The following EPC2 variants were observed in gnomAD, a reference collection of about 807,000 sequenced individuals.
EPC2 encodes the protein enhancer of polycomb homolog 2.
In EPC2, 14 loss-of-function variants were observed where a neutral mutation model predicts 92.1. The observed-to-expected ratio is 0.15, with a 90% CI of 0.10 to 0.24. EPC2 has a LOEUF of 0.24. Ranked by LOEUF, EPC2 falls within the 10% of genes least tolerant of loss-of-function variation. The pLI, the probability that EPC2 is intolerant of heterozygous loss-of-function variation, is 1.00. For synonymous variants in EPC2, 340 were observed against 334.7 expected (o/e 1.02, Z -0.17); for missense variants, 755 against 971.5 (o/e 0.78, Z 2.96).
chr2:148,745,072 A>G (rs993340041), intron 3 of EPC2, among the ~76,000 whole-genome samples: 1 of 139,372 alleles, frequency 7.2e-6, no homozygotes, highest in African/African-American at 2.7e-5. Flanking sequence ...TGCATTTTGT[A>G]AAATTCATGT....
intron 6 of EPC2, among the ~76,000 whole-genome samples, chr2:148,763,052 C>A (rs1683332738): frequency 6.6e-6 from 1 of 152,096 alleles, no homozygotes; most frequent in South Asian, 2.1e-4. Flanking sequence ...GTGGCAGATT[C>A]AAGGTTTCAG....
At chr2:148,726,595 A>C (rs548354978) in intron 2 of EPC2, among the ~76,000 whole-genome samples, 38 of 151,902 alleles carry the variant, frequency 2.5e-4, no homozygotes, top group African/African-American at 8.7e-4. Flanking sequence ...GGCCATTTGT[A>C]TATCATTGTG....
intron 1 of EPC2, among the ~76,000 whole-genome samples, chr2:148,654,087 T>C (rs747564022): frequency 6.6e-6 from 1 of 151,904 alleles, no homozygotes; most frequent in Non-Finnish European, 1.5e-5. Flanking sequence ...AGCTTGGGAC[T>C]ATAGGCACAC....
At chr2:148,689,887 GGTA>G (rs1681609985) in intron 1 of EPC2, among the ~76,000 whole-genome samples, 1 of 152,020 alleles carries the variant, frequency 6.6e-6, no homozygotes, top group Non-Finnish European at 1.5e-5. Flanking sequence ...TCTTTCATCT[GGTA>G]GTGGTGACAA....
chr2:148,654,055 C>G (rs1680740204), intron 1 of EPC2, among the ~76,000 whole-genome samples: 1 of 149,472 alleles, frequency 6.7e-6, no homozygotes, highest in South Asian at 2.1e-4. Context: ...TCAAGTGATT[C>G]TCCTGCCTCA....
chr2:148,778,452 T>C (rs1375023867), intron 10 of EPC2, among the ~76,000 whole-genome samples: 1 of 152,224 alleles, frequency 6.6e-6, no homozygotes, highest in Non-Finnish European at 1.5e-5. Flanking sequence ...AGAAATCTCT[T>C]ATGAATGTAT....
chr2:148,673,183 A>G (rs931331227), intron 1 of EPC2, among the ~76,000 whole-genome samples: 44 of 152,234 alleles, frequency 2.9e-4, no homozygotes, highest in Non-Finnish European at 5.3e-4. Flanking sequence ...TTGTTGGGCT[A>G]TTCTAGTTGG....
intron 3 of EPC2, among the ~76,000 whole-genome samples, chr2:148,750,154 C>T (rs1284251311): frequency 2.0e-5 from 3 of 151,564 alleles, no homozygotes; most frequent in African/African-American, 7.3e-5. Flanking sequence ...ATTTGTGGTT[C>T]AATGTGGGTT....
intron 10 of EPC2, among the ~76,000 whole-genome samples, chr2:148,778,870 A>G (rs1453707652): frequency 6.6e-6 from 1 of 152,174 alleles, no homozygotes; most frequent in Non-Finnish European, 1.5e-5. Context: ...GGTGAGGGGG[A>G]AAAGAAAAAA....
At position 148,713,347 on chromosome 2, in the gene EPC2, C is replaced by CA. The variant is rs1379592886; in HGVS notation, c.313+22981dup. On this transcript the variant is annotated intron_variant, in intron 2 of 13. Transcript: ENST00000258484. ...TGTGTTTATGTCTTAGTTTTTGACACAAAAAAATTTATAAATAAGAAAAAG... is the reference window on the plus strand; with the variant it reads ...TGTGTTTATGTCTTAGTTTTTGACACAAAAAAAATTTATAAATAAGAAAAAG... 2.6e-5 allele frequency among the ~76,000 whole-genome samples: 4 copies of CA among 151,358 alleles called. No homozygotes were observed. The East Asian group carries it at 7.7e-4, about 29-fold the overall frequency.
chr2:148,698,658 A>AAAC (rs1681802562), intron 2 of EPC2, among the ~76,000 whole-genome samples: 1 of 123,526 alleles, frequency 8.1e-6, no homozygotes, highest in Non-Finnish European at 1.7e-5. Flanking sequence ...AAAAAAAAAA[A>AAAC]TCTCCTGTTT....
intron 2 of EPC2, among the ~76,000 whole-genome samples, chr2:148,729,746 T>TA (rs1315420442): frequency 6.6e-6 from 1 of 152,132 alleles, no homozygotes; most frequent in Non-Finnish European, 1.5e-5. Context: ...TTAAAATCAT[T>TA]AAAAAATATA....
intron 1 of EPC2, among the ~76,000 whole-genome samples, chr2:148,655,417 TAAAC>T (rs1680771217): frequency 2.0e-5 from 3 of 152,172 alleles, no homozygotes; most frequent in Admixed American, 2.0e-4. Flanking sequence ...GTTATCAAAA[TAAAC>T]AATTTTTAAT....
At chr2:148,678,458 CTTG>C (rs1349166343) in intron 1 of EPC2, among the ~76,000 whole-genome samples, 1 of 152,196 alleles carries the variant, frequency 6.6e-6, no homozygotes, top group African/African-American at 2.4e-5. Context: ...GGGGGTGGCG[CTTG>C]TTGAGGAGGC....
Position 148,743,757 on chromosome 2 carries a change from G to A in EPC2, c.449G>A (p.Ser150Asn). 6.3e-7 allele frequency: 1 copy of A among 1,597,710 alleles called. No individual in the cohort carries two copies. The highest frequency in any genetic ancestry group is 8.5e-7 in the Non-Finnish European group (1 of 1,173,634). ...EIMIDRLEKA[S>N]SNQLVTLQEA... ...ATGATTGACAGACTTGAAAAAGCCA[G>A]TTCTAATCAGGTACTGTACCATGTA... Residue 150 changes from serine to asparagine, a missense_variant, in exon 3 of 14, where the codon AGT becomes AAT. This residue lies in a region of EPC2 where 509 missense variants were observed against 607.7 expected (regional missense o/e 0.84). Transcript: ENST00000258484.
intron 8 of EPC2, 30 bp from the exon 9 acceptor site, chr2:148,770,759 GTTT>G: frequency 6.4e-7 from 1 of 1,559,474 alleles, no homozygotes; most frequent in Non-Finnish European, 8.7e-7. Context: ...TACTCCATGA[GTTT>G]TTTGTTTTTT....
At chr2:148,698,452 A>C (rs12613668) in intron 2 of EPC2, among the ~76,000 whole-genome samples, 1 of 151,550 alleles carries the variant, frequency 6.6e-6, no homozygotes, top group Admixed American at 6.6e-5. Flanking sequence ...CCTGGCCAAG[A>C]TGGTGAAACC....
intron 2 of EPC2, among the ~76,000 whole-genome samples, chr2:148,728,055 T>C (rs1230127724): frequency 6.6e-6 from 1 of 152,178 alleles, no homozygotes; most frequent in Non-Finnish European, 1.5e-5. Context: ...AGTGGCATGC[T>C]CATGGCTCAC....
chr2:148,722,024 C>A (rs182149471), intron 2 of EPC2, among the ~76,000 whole-genome samples: 67 of 150,408 alleles, frequency 4.5e-4, no homozygotes, highest in African/African-American at 1.6e-3. Flanking sequence ...GCATTCTTTT[C>A]ATATCTGACT....
Sources: gnomAD v4.1 joint callset for allele counts (sites outside exome capture counted in the v4.1 genomes callset) on GRCh38, gnomAD v4.1.1 for gene constraint, gnomAD v4.1.1 regional missense constraint, MANE v1.5 for transcripts, NCBI Gene and HGNC (gene_info 2026-07-23, HGNC 2026-07-21) for gene names.